The following USP8 variants were observed in gnomAD, a reference collection of about 807,000 sequenced individuals.
The protein encoded by USP8 is ubiquitin carboxyl-terminal hydrolase 8.
A neutral mutation model predicts 130.0 loss-of-function variants in USP8; 27 were observed. That is an observed-to-expected ratio of 0.21 (90% CI 0.15 to 0.29). The LOEUF (loss-of-function observed/expected upper bound fraction) is 0.29. Among genes scored for constraint, USP8 ranks in the 10% least tolerant of loss-of-function variants. The pLI, the probability that USP8 is intolerant of heterozygous loss-of-function variation, is 1.00. For missense variants in USP8, 1,029 were observed against 1,312.2 expected (o/e 0.78, Z 3.33); for synonymous variants, 392 against 444.1 (o/e 0.88, Z 1.48).
intron 10 of USP8, among the ~76,000 whole-genome samples, chr15:50,479,905 C>T (rs2051703907): frequency 6.6e-6 from 1 of 151,966 alleles, no homozygotes; most frequent in Non-Finnish European, 1.5e-5. Flanking sequence ...ATTATAGGCA[C>T]ATGCCACCAC....
chr15:50,497,184 G>GAT lies in USP8; in HGVS notation c.2993_2994dup (p.Glu999Ter). 6.2e-7 allele frequency: 1 copy of GAT among 1,611,052 alleles called. No homozygotes were observed. The highest frequency in any genetic ancestry group is 8.5e-7 in the Non-Finnish European group (1 of 1,178,792). ...GAGCTCGACGGGATTCTCTAAAAAA[G>GAT]ATAGAAATCTGGAAGTTACCACCTG... On this transcript the variant is annotated frameshift_variant, in exon 18 of 20. Transcript: ENST00000307179. LOFTEE classifies it high-confidence loss of function.
chr15:50,465,309 C>T (rs1397535738), intron 7 of USP8, 118 bp downstream of exon 7: 20 of 574,290 alleles, frequency 3.5e-5, no homozygotes, highest in South Asian at 1.2e-4. Context: ...TTCCTGGTAA[C>T]TTTTTAAATC....
chr15:50,454,079 G>A (rs1354721631), intron 4 of USP8, among the ~76,000 whole-genome samples: 1 of 152,056 alleles, frequency 6.6e-6, no homozygotes, highest in East Asian at 1.9e-4. Flanking sequence ...GGCCAGGCTG[G>A]TCTTGAATTC....
At chr15:50,459,445 G>A (rs903814143) in intron 5 of USP8, among the ~76,000 whole-genome samples, 3 of 152,118 alleles carry the variant, frequency 2.0e-5, no homozygotes, top group East Asian at 3.9e-4. Flanking sequence ...TTAGCTGGAT[G>A]TGGTGGTGCA....
chr15:50,491,953 GCCT>G (rs1401419096), intron 14 of USP8, among the ~76,000 whole-genome samples: 1 of 151,990 alleles, frequency 6.6e-6, no homozygotes, highest in Admixed American at 6.6e-5. Context: ...TGCAACGTCT[GCCT>G]CCTCAAGCGA....
intron 4 of USP8, among the ~76,000 whole-genome samples, chr15:50,455,668 G>T (rs532186841): frequency 6.6e-6 from 1 of 151,874 alleles, no homozygotes; most frequent in South Asian, 2.1e-4. Context: ...GAATAGTTTT[G>T]TTGTTGTTGT....
At chr15:50,486,930 C>T (rs984963967) in intron 12 of USP8, among the ~76,000 whole-genome samples, 2 of 151,862 alleles carry the variant, frequency 1.3e-5, no homozygotes, top group Non-Finnish European at 2.9e-5. Flanking sequence ...TTCAGGAGTT[C>T]GAGACCAGCC....
intron 12 of USP8, chr15:50,489,427 A>G (rs1195535204): frequency 2.0e-5 from 3 of 153,084 alleles, no homozygotes; most frequent in South Asian, 4.0e-4. Flanking sequence ...GTGGAAAACT[A>G]AAAAAAAAAT....
chr15:50,480,439 A>G (rs540278481), intron 10 of USP8, among the ~76,000 whole-genome samples: 4 of 152,296 alleles, frequency 2.6e-5, no homozygotes, highest in African/African-American at 9.6e-5. Context: ...ATAAGTAATT[A>G]TAGTTATTTG....
At position 50,513,497 on chromosome 15, in the gene USP8, C is replaced by T. The variant is rs1248093724; in HGVS notation, c.*14409C>T. 2.3e-5 allele frequency: 3 copies of T among 128,462 alleles called. No homozygotes were observed. The highest frequency in any genetic ancestry group is 1.8e-4 in the Admixed American group (2 of 10,818). 8.0% of individuals were successfully genotyped at this position (128,462 alleles called of 1,614,324 possible). A position where few individuals can be genotyped will look rare whatever the true frequency, so the allele number is the denominator to read the frequency against. On this transcript the variant is annotated 3_prime_UTR_variant, in exon 20 of 20. Transcript: ENST00000307179. Reference sequence around the variant, plus strand: ...GGTGGATCACCTGAGGTCATGAGTTCGAGACAAGAGCGAAACTGTCTAAAA... The same window carrying T: ...GGTGGATCACCTGAGGTCATGAGTTTGAGACAAGAGCGAAACTGTCTAAAA...
chr15:50,492,762 A>C lies in USP8; in HGVS notation c.2296A>C (p.Asn766His). The change falls in exon 15 of 20, where the codon AAT becomes CAT. Residue 766 changes from asparagine to histidine, a missense_variant. Asn to His is a moderately conservative substitution (Grantham distance 68). Around this residue, in one of 4 missense-constraint regions of USP8, gnomAD observed 257 missense variants for 429.8 expected, o/e 0.60. Transcript: ENST00000307179. ...RLSASQIRNL[N>H]PVFGGSGPAL... ...TTCTGCTTCTCAGATTCGGAACCTC[A>C]ATCCTGTTTTTGGAGGTTCTGGACC... 6 of 1,614,122 alleles carry C rather than the reference A, an allele frequency of 3.7e-6. No individual in the cohort carries two copies. The highest frequency in any genetic ancestry group is 5.1e-6 in the Non-Finnish European group (6 of 1,180,010).
chr15:50,464,109 T>TGGAGA (rs200835940), intron 6 of USP8, among the ~76,000 whole-genome samples: 3,284 of 152,274 alleles, frequency 0.022, 52 homozygotes, highest in Middle Eastern at 0.041. Flanking sequence ...CTTATGGGCT[T>TGGAGA]GGAGAGTCCT....
Position 50,491,438 on chromosome 15 carries a change from C to T in USP8, c.2234+913C>T, listed in dbSNP as rs577339985. ...TAGATTTTAGAGTTCATTATAATAA[C>T]TAGTGAGATTTAATTTCTTCTTGAA... On this transcript the variant is annotated intron_variant, in intron 14 of 19. Transcript: ENST00000307179. Among the ~76,000 whole-genome samples, 6 of 152,200 alleles carry T rather than the reference C, an allele frequency of 3.9e-5. No homozygotes were observed. The South Asian group carries it at 1.2e-3, about 32-fold the overall frequency.
intron 3 of USP8, among the ~76,000 whole-genome samples, chr15:50,445,708 T>C (rs2050414279): frequency 6.7e-6 from 1 of 149,914 alleles, no homozygotes; most frequent in Non-Finnish European, 1.5e-5. Flanking sequence ...AAAAAAAAAA[T>C]TAGCTAGGTG....
At chr15:50,473,939 A>G (rs557831463) in intron 8 of USP8, among the ~76,000 whole-genome samples, 9 of 151,904 alleles carry the variant, frequency 5.9e-5, no homozygotes, top group Non-Finnish European at 1.3e-4. Context: ...GGTTCAAGCA[A>G]TTCTCCTGCC....
intron 1 of USP8, among the ~76,000 whole-genome samples, chr15:50,434,592 CT>C (rs1013825030): frequency 2.0e-5 from 3 of 151,398 alleles, no homozygotes; most frequent in African/African-American, 7.3e-5. Context: ...ACTTGCAATC[CT>C]TTTTGAAGCA....
At chr15:50,445,242 A>G (rs1469240952) in intron 3 of USP8, among the ~76,000 whole-genome samples, 5 of 151,860 alleles carry the variant, frequency 3.3e-5, no homozygotes, top group Non-Finnish European at 5.9e-5. Context: ...CTTATTTTAT[A>G]CTAGAAAATG....
intron 4 of USP8, among the ~76,000 whole-genome samples, chr15:50,450,749 C>G (rs1306503399): frequency 1.3e-5 from 2 of 152,034 alleles, no homozygotes; most frequent in Non-Finnish European, 2.9e-5. Flanking sequence ...GGGATTATAG[C>G]CATGAGCCAC....
At chr15:50,470,457 C>CAG (rs1344912834) in intron 7 of USP8, among the ~76,000 whole-genome samples, 1 of 152,080 alleles carries the variant, frequency 6.6e-6, no homozygotes, top group African/African-American at 2.4e-5. Context: ...AAAGCCAGAG[C>CAG]AGAGGCCCTT....
Sources: gnomAD v4.1 joint callset for allele counts (sites outside exome capture counted in the v4.1 genomes callset) on GRCh38, gnomAD v4.1.1 for gene constraint, gnomAD v4.1.1 regional missense constraint, MANE v1.5 for transcripts, NCBI Gene and HGNC (gene_info 2026-07-23, HGNC 2026-07-21) for gene names.